Variants in COL21A1 observed in about 807,000 individuals in gnomAD.
The protein encoded by COL21A1 is collagen alpha-1(XXI) chain.
In COL21A1, 149 loss-of-function variants were observed where a neutral mutation model predicts 137.9. The ratio of observed to expected loss-of-function variants is 1.08; its 90% CI spans 0.95 to 1.24. COL21A1 has a LOEUF of 1.24. COL21A1 is among the 50% of genes most tolerant of loss of function. The probability of loss-of-function intolerance (pLI) is 0.00; values close to 1 mark genes in which losing one functional copy is unlikely to be tolerated. For missense variants in COL21A1, 1,167 were observed against 1,158.4 expected (o/e 1.01, Z -0.11); for synonymous variants, 456 against 391.5 (o/e 1.16, Z -1.95).
chr6:56,233,970 A>G (rs571538937), intron 1 of COL21A1, among the ~76,000 whole-genome samples: 3 of 151,984 alleles, frequency 2.0e-5, no homozygotes, highest in Middle Eastern at 3.4e-3. Flanking sequence ...TAGAAATGTA[A>G]TTATAACAAT....
At chr6:56,236,976 C>T (rs1279608797) in intron 1 of COL21A1, among the ~76,000 whole-genome samples, 1 of 152,014 alleles carries the variant, frequency 6.6e-6, no homozygotes, top group Non-Finnish European at 1.5e-5. Context: ...CCATTTAAAA[C>T]TTCTCAACTC....
chr6:56,069,110 G>A lies in COL21A1; in HGVS notation c.2027C>T (p.Pro676Leu), dbSNP rs779813111. 8.8e-6 allele frequency: 14 copies of A among 1,596,556 alleles called. No homozygotes were observed. Among genetic ancestry groups the A allele is most frequent in the Non-Finnish European group, 1.2e-5 (14 of 1,171,162 alleles). ...MPGASGLKGE[P>L]GATGSPGEPG... ...TTCTCCTGGGGAACCCGTTGCTCCT[G>A]GTTCTCCCTATGTAACACAGAAATT... is the stretch of plus-strand genomic sequence containing the variant. Residue 676 changes from proline (P) to leucine (L), a missense_variant, in exon 22 of 30, where the codon CCA becomes CTA. Coordinates refer to ENST00000244728, the MANE Select transcript of COL21A1 (RefSeq NM_030820.4).
At chr6:56,144,611 C>G (rs1774692541) in intron 10 of COL21A1, among the ~76,000 whole-genome samples, 1 of 152,174 alleles carries the variant, frequency 6.6e-6, no homozygotes, top group Non-Finnish European at 1.5e-5. Context: ...AGATCAAATG[C>G]TGCTGTGCTG....
intron 10 of COL21A1, among the ~76,000 whole-genome samples, chr6:56,151,127 G>A (rs1431268849): frequency 6.6e-6 from 1 of 152,162 alleles, no homozygotes; most frequent in Admixed American, 6.5e-5. Context: ...TCGGGAGGCT[G>A]AGGCAGGAGA....
intron 1 of COL21A1, among the ~76,000 whole-genome samples, chr6:56,259,279 CT>C (rs1763190370): frequency 6.6e-6 from 1 of 152,210 alleles, no homozygotes; most frequent in South Asian, 2.1e-4. Context: ...TTCTTCAATG[CT>C]TCCATTTGCA....
intron 1 of COL21A1, among the ~76,000 whole-genome samples, chr6:56,354,377 A>G (rs1348332247): frequency 6.6e-6 from 1 of 152,230 alleles, no homozygotes; most frequent in African/African-American, 2.4e-5. Flanking sequence ...TTAAAAATGT[A>G]TCTTAAAAAT....
intron 1 of COL21A1, among the ~76,000 whole-genome samples, chr6:56,300,126 C>T (rs1464061872): frequency 1.3e-5 from 2 of 151,958 alleles, no homozygotes; most frequent in Non-Finnish European, 2.9e-5. Context: ...ATGGAGTAGC[C>T]AAAATGTGCC....
At chr6:56,324,727 T>C (rs1220807340) in intron 1 of COL21A1, among the ~76,000 whole-genome samples, 1 of 151,980 alleles carries the variant, frequency 6.6e-6, no homozygotes, top group Non-Finnish European at 1.5e-5. Context: ...AATATCTAAC[T>C]GATGGGGTTC....
At position 56,060,174 on chromosome 6, in the gene COL21A1, C is replaced by T. The variant is rs777790579; in HGVS notation, c.2452G>A (p.Asp818Asn). The T allele has an allele frequency of 1.2e-6, 2 of 1,609,026 alleles. No homozygotes were observed. Among genetic ancestry groups the T allele is most frequent in the Non-Finnish European group, 8.5e-7 (1 of 1,178,554 alleles). The change falls in exon 28 of 30, where the codon GAT becomes AAT. Residue 818 changes from aspartate to asparagine, a missense_variant. Asp to Asn is a conservative substitution (Grantham distance 23, BLOSUM62 1). Coordinates refer to ENST00000244728, the MANE Select transcript of COL21A1 (RefSeq NM_030820.4). ...LLQSGRIRNC[D>N]HCLSQHGSPG... ...GAGCCATGTTGGGACAGGCAATGAT[C>T]ACAATTTCTAATTCTTCCACTCTGA...
At chr6:56,090,990 G>A (rs1162728242) in intron 17 of COL21A1, among the ~76,000 whole-genome samples, 1 of 152,084 alleles carries the variant, frequency 6.6e-6, no homozygotes, top group Admixed American at 6.6e-5. Context: ...TGCAAATCAA[G>A]TAAAAACAAT....
At chr6:56,078,211 T>A (rs998251286) in intron 17 of COL21A1, 4 of 455,572 alleles carry the variant, frequency 8.8e-6, no homozygotes, top group Non-Finnish European at 1.8e-5. Flanking sequence ...TCAGAAAAAA[T>A]TAATGTTAAT....
chr6:56,352,100 T>C (rs1765723112), intron 1 of COL21A1, among the ~76,000 whole-genome samples: 1 of 152,076 alleles, frequency 6.6e-6, no homozygotes, highest in Non-Finnish European at 1.5e-5. Context: ...AGACCTTATC[T>C]CAAAAAAGAA....
chr6:56,098,240 T>TATATATAA (rs1554206378), intron 17 of COL21A1, among the ~76,000 whole-genome samples: 1 of 68,478 alleles, frequency 1.5e-5, no homozygotes, highest in South Asian at 5.3e-4. Flanking sequence ...AATATATAAA[T>TATATATAA]ATATATAAAT....
chr6:56,386,511 T>C (rs556818769), intron 1 of COL21A1, among the ~76,000 whole-genome samples: 7 of 152,308 alleles, frequency 4.6e-5, no homozygotes, highest in African/African-American at 1.7e-4. Flanking sequence ...CCAAACTGTT[T>C]CCCACAGCAG....
At chr6:56,392,350 T>C (rs1439057124) in intron 1 of COL21A1, among the ~76,000 whole-genome samples, 2 of 151,956 alleles carry the variant, frequency 1.3e-5, no homozygotes, top group Non-Finnish European at 1.5e-5. Context: ...ACCTCAACAA[T>C]ATAAAAGCCA....
chr6:56,314,737 T>C (rs1384996505), intron 1 of COL21A1, among the ~76,000 whole-genome samples: 1 of 152,212 alleles, frequency 6.6e-6, no homozygotes, highest in Non-Finnish European at 1.5e-5. Context: ...ATTTGTGATT[T>C]TCCCACGAGA....
At chr6:56,093,469 C>G (rs139041843) in intron 17 of COL21A1, among the ~76,000 whole-genome samples, 1 of 151,988 alleles carries the variant, frequency 6.6e-6, no homozygotes, top group Non-Finnish European at 1.5e-5. Flanking sequence ...TTCCCGATTA[C>G]GATGTTAAGA....
chr6:56,060,712 G>T, intron 27 of COL21A1, 29 bp downstream of exon 27: 5 of 1,558,728 alleles, frequency 3.2e-6, no homozygotes, highest in Non-Finnish European at 4.3e-6. Flanking sequence ...TTTGAGAAAA[G>T]TTATTAAAAT....
At chr6:56,244,353 G>C (rs1021404196) in intron 1 of COL21A1, among the ~76,000 whole-genome samples, 5 of 152,104 alleles carry the variant, frequency 3.3e-5, no homozygotes, top group Non-Finnish European at 5.9e-5. Flanking sequence ...TTTCAGTTAA[G>C]TTATCCAGAA....
Sources: allele counts gnomAD v4.1 joint callset (sites outside exome capture counted in the v4.1 genomes callset), GRCh38; gene constraint gnomAD v4.1.1; transcripts MANE v1.5; gene names NCBI Gene and HGNC (gene_info 2026-07-23, HGNC 2026-07-21).